PHF20: variants seen among roughly 807,000 people sequenced by gnomAD.
The protein encoded by PHF20 is PHD finger protein 20.
In PHF20, 23 loss-of-function variants were observed where a neutral mutation model predicts 113.5. That is an observed-to-expected ratio of 0.20 (90% CI 0.15 to 0.29). PHF20 has a LOEUF of 0.29. Ranked by LOEUF, PHF20 falls within the 10% of genes least tolerant of loss-of-function variation. The pLI is 1.00. For missense variants in PHF20, 943 were observed against 1,219.6 expected, an observed-to-expected ratio of 0.77 and a Z score of 3.38; for synonymous variants, 434 against 457.3, an observed-to-expected ratio of 0.95 and a Z score of 0.65.
chr20:35,866,845 G>A (rs2054328553), intron 6 of PHF20, among the ~76,000 whole-genome samples: 1 of 152,194 alleles, frequency 6.6e-6, no homozygotes, highest in Non-Finnish European at 1.5e-5. Context: ...TTTTATAAGT[G>A]TAGGATTTCA....
chr20:35,803,263 A>C (rs1191937399), intron 2 of PHF20, among the ~76,000 whole-genome samples: 2 of 151,384 alleles, frequency 1.3e-5, no homozygotes, highest in African/African-American at 4.8e-5. Context: ...GAAAAAAAAA[A>C]AAAAGAAAAA....
Position 35,938,691 on chromosome 20 carries a change from C to T in PHF20, c.2301-6C>T, listed in dbSNP as rs2055914434. ...AAAGCCCATGTCCTCTTTGTCCTCT[C>T]AACAGAAGCCGGGAGCATCCTGATC... is the stretch of plus-strand genomic sequence containing the variant. On this transcript the variant is annotated splice_polypyrimidine_tract_variant and splice_region_variant and intron_variant, in intron 15 of 17. Coordinates refer to ENST00000374012, the MANE Select transcript of PHF20 (RefSeq NM_016436.5). 1 of 1,596,494 alleles carries T rather than the reference C, an allele frequency of 6.3e-7. No individual in the cohort carries two copies. The highest frequency in any genetic ancestry group is 8.5e-7 in the Non-Finnish European group (1 of 1,172,194).
intron 10 of PHF20, among the ~76,000 whole-genome samples, chr20:35,909,985 A>G (rs2055267663): frequency 6.6e-6 from 1 of 152,232 alleles, no homozygotes; most frequent in Non-Finnish European, 1.5e-5. Context: ...TGTTGTAAGG[A>G]TTAAATGAGA....
At chr20:35,791,559 A>C (rs1024822527) in intron 1 of PHF20, among the ~76,000 whole-genome samples, 22 of 146,832 alleles carry the variant, frequency 1.5e-4, no homozygotes, top group East Asian at 5.9e-4. Flanking sequence ...ATATATATAT[A>C]TATCTTAGAA....
At chr20:35,878,164 G>T (rs564906942) in intron 9 of PHF20, among the ~76,000 whole-genome samples, 13 of 152,174 alleles carry the variant, frequency 8.5e-5, no homozygotes, top group African/African-American at 2.9e-4. Context: ...ATATCATCAA[G>T]TATGTATTGT....
At chr20:35,815,008 C>T (rs895953204) in intron 2 of PHF20, among the ~76,000 whole-genome samples, 1 of 150,580 alleles carries the variant, frequency 6.6e-6, no homozygotes, top group Non-Finnish European at 1.5e-5. Context: ...CCAAACTGGC[C>T]AACATGATGA....
In PHF20 at chr20:35,914,269, T is replaced by C. The variant is rs549900136; in HGVS notation, c.1825+72T>C. 1.7e-4 allele frequency: 256 copies of C among 1,491,690 alleles called. 1 individual carries two copies. Among genetic ancestry groups the C allele is most frequent in the Admixed American group, 4.5e-4 (25 of 55,798 alleles). The allele number at this position is 1,491,690 out of a possible 1,614,324, so 92.4% of individuals were successfully genotyped here. A position where few individuals can be genotyped will look rare whatever the true frequency, so the allele number is the denominator to read the frequency against. ...AAATACAAGCATACCTGGGAGATAT[T>C]ATGGGTTTGGTTCTAGGCCACTACA... On this transcript the variant is annotated intron_variant, in intron 12 of 17. Transcript: ENST00000374012.
chr20:35,827,689 A>G (rs1276525278), intron 2 of PHF20, among the ~76,000 whole-genome samples: 1 of 150,766 alleles, frequency 6.6e-6, no homozygotes, highest in Non-Finnish European at 1.5e-5. Flanking sequence ...AGGCTGAGGC[A>G]GGAGAATGGT....
chr20:35,821,230 T>G (rs2042162504), intron 2 of PHF20, among the ~76,000 whole-genome samples: 1 of 151,622 alleles, frequency 6.6e-6, no homozygotes, highest in Non-Finnish European at 1.5e-5. Flanking sequence ...GGGTGGATCA[T>G]TTGAGGCCAG....
intron 4 of PHF20, among the ~76,000 whole-genome samples, chr20:35,853,817 C>T (rs867481170): frequency 3.3e-5 from 5 of 150,746 alleles, no homozygotes; most frequent in South Asian, 2.1e-4. Context: ...TGCAGTGGCG[C>T]GATGTCAGAT....
intron 1 of PHF20, among the ~76,000 whole-genome samples, chr20:35,781,245 G>A (rs567736968): frequency 2.0e-5 from 3 of 151,810 alleles, no homozygotes; most frequent in African/African-American, 7.3e-5. Flanking sequence ...TGGGGTTCAA[G>A]TGATTCTCAT....
Position 35,827,675 on chromosome 20 carries a change from C to T in PHF20, c.84-14898C>T, listed in dbSNP as rs187907981. Among the ~76,000 whole-genome samples the T allele has an allele frequency of 2.1e-3, 312 of 150,840 alleles. 1 individual carries two copies. Among genetic ancestry groups the T allele is most frequent in the Admixed American group, 3.6e-3 (54 of 15,090 alleles). Reference sequence around the variant, plus strand: ...GGCGGGTGCCTGTAGTCCAGCTACTCGGGAGGCTGAGGCAGGAGAATGGTG... The same window carrying T: ...GGCGGGTGCCTGTAGTCCAGCTACTTGGGAGGCTGAGGCAGGAGAATGGTG... On this transcript the variant is annotated intron_variant, in intron 2 of 17. Transcript: ENST00000374012.
chr20:35,835,707 A>G (rs1203790074), intron 2 of PHF20, among the ~76,000 whole-genome samples: 3 of 152,182 alleles, frequency 2.0e-5, no homozygotes, highest in Admixed American at 1.3e-4. Flanking sequence ...AGGTGGGTAG[A>G]TCACTTGAGG....
intron 5 of PHF20, among the ~76,000 whole-genome samples, chr20:35,859,882 T>C (rs2054185784): frequency 6.6e-6 from 1 of 152,118 alleles, no homozygotes; most frequent in South Asian, 2.1e-4. Flanking sequence ...TGATTCTACT[T>C]ATCAGAGATT....
intron 2 of PHF20, among the ~76,000 whole-genome samples, chr20:35,841,236 T>C (rs1382595970): frequency 6.6e-6 from 1 of 151,866 alleles, no homozygotes; most frequent in Non-Finnish European, 1.5e-5. Context: ...TCTCAACTAC[T>C]TGGGAGGCTG....
chr20:35,793,884 G>T (rs537429526), intron 1 of PHF20, among the ~76,000 whole-genome samples: 3 of 150,720 alleles, frequency 2.0e-5, no homozygotes, highest in Admixed American at 6.7e-5. Flanking sequence ...TGTAATCCCA[G>T]CTACTGGGGA....
chr20:35,793,808 G>A lies in PHF20; in HGVS notation c.-32-7683G>A, dbSNP rs879898219. ...AGGTCAGGAGTTCGAGACCAGCCTG[G>A]CCAACATGGCGAAACACTGTCTCTA... On this transcript the variant is annotated intron_variant, in intron 1 of 17. Transcript: ENST00000374012. Among the ~76,000 whole-genome samples, 98 of 140,898 alleles carry A rather than the reference G, an allele frequency of 7.0e-4. No homozygotes were observed. In the Middle Eastern group the frequency reaches 0.026, roughly 37 times the overall value. 92.4% of individuals were successfully genotyped at this position (140,898 alleles called of 152,430 possible).
rs755423121 is a variant in PHF20, at chr20:35,914,191, G to A, written c.1819G>A (p.Ala607Thr). Residue 607 changes from alanine to threonine, a missense_variant, in exon 12 of 18, where the codon GCA becomes ACA. Ala to Thr is a moderately conservative substitution (Grantham distance 58). This residue lies in a region of PHF20 where 592 missense variants were observed against 787.2 expected (regional missense o/e 0.75). Transcript: ENST00000374012. The part of the protein sequence containing the change: ...ESGHHKGKVK[A>T]LEEDNLSESS... ...TGGACACCACAAAGGGAAAGTGAAA[G>A]CATTGGGTAAGGAGGCTCTTCTGTC... The A allele has an allele frequency of 4.3e-6, 7 of 1,614,068 alleles. No homozygotes were observed. Among genetic ancestry groups the A allele is most frequent in the Non-Finnish European group, 5.9e-6 (7 of 1,179,968 alleles).
intron 1 of PHF20, among the ~76,000 whole-genome samples, chr20:35,795,360 G>A (rs2146854783): frequency 6.6e-6 from 1 of 151,902 alleles, no homozygotes; most frequent in East Asian, 2.0e-4. Context: ...TCACCCTCCT[G>A]AGTAGCTGGG....
Sources: allele counts gnomAD v4.1 joint callset (sites outside exome capture counted in the v4.1 genomes callset), GRCh38; gene constraint gnomAD v4.1.1; regional missense constraint gnomAD v4.1.1; transcripts MANE v1.5; gene names NCBI Gene and HGNC (gene_info 2026-07-23, HGNC 2026-07-21).